The following MMS19 variants were observed in gnomAD, a reference collection of about 807,000 sequenced individuals.
The protein encoded by MMS19 is MMS19 nucleotide excision repair protein homolog.
MMS19 carries 77 observed loss-of-function variants against 129.8 expected under a neutral mutation model. The observed-to-expected ratio is 0.59, with a 90% CI of 0.49 to 0.72. The LOEUF (loss-of-function observed/expected upper bound fraction) is 0.72, where lower values mean the gene tolerates loss of function less well. Ranked by LOEUF, MMS19 falls within the 30% of genes least tolerant of loss-of-function variation. The probability of loss-of-function intolerance (pLI) is 0.00; values close to 1 mark genes in which losing one functional copy is unlikely to be tolerated. For synonymous variants in MMS19, 491 were observed against 502.8 expected (o/e 0.98, Z 0.31); for missense variants, 1,168 against 1,266.3 (o/e 0.92, Z 1.18).
rs1427709708 is a variant in MMS19, at chr10:97,477,357, G to A, written c.483C>T (p.Thr161=). ...VYNIITNFMR[T]REEELKSLGA... ...AGCTCTGTCTCTTACCTTCTTCCCGGGTTCGCATAAAATTGGTGATGATAT... is the reference window on the plus strand; with the variant it reads ...AGCTCTGTCTCTTACCTTCTTCCCGAGTTCGCATAAAATTGGTGATGATAT... The change falls in exon 6 of 31, where the codon ACC becomes ACT. Residue 161 remains threonine (T), a synonymous_variant. Transcript: ENST00000438925. 1.2e-6 allele frequency: 2 copies of A among 1,613,946 alleles called. No individual in the cohort carries two copies. The highest frequency in any genetic ancestry group is 1.7e-6 in the Non-Finnish European group (2 of 1,179,888).
At chr10:97,487,485 AT>A (rs1205122655) in intron 1 of MMS19, among the ~76,000 whole-genome samples, 1 of 151,730 alleles carries the variant, frequency 6.6e-6, no homozygotes, top group East Asian at 1.9e-4. Flanking sequence ...CACCCGGCTA[AT>A]TTTTTTGTAT....
At chr10:97,469,216 G>T in intron 11 of MMS19, 112 bp from the exon 12 acceptor site, 1 of 1,345,242 alleles carries the variant, frequency 7.4e-7, no homozygotes, top group Non-Finnish European at 9.9e-7. Flanking sequence ...CTAGGACACA[G>T]AAATGGAAAT....
At chr10:97,460,308 G>A in intron 25 of MMS19, 76 bp from the exon 26 acceptor site, 1 of 1,395,728 alleles carries the variant, frequency 7.2e-7, no homozygotes, top group Non-Finnish European at 9.8e-7. Flanking sequence ...GGGGCCGGGT[G>A]TGGTGGCTCA....
chr10:97,496,289 G>C (rs1395349906), intron 1 of MMS19, among the ~76,000 whole-genome samples: 1 of 152,146 alleles, frequency 6.6e-6, no homozygotes, highest in Non-Finnish European at 1.5e-5. Flanking sequence ...GCTGAGATGG[G>C]AGGATGGCTT....
intron 8 of MMS19, among the ~76,000 whole-genome samples, chr10:97,476,194 T>G (rs1274247142): frequency 6.6e-6 from 1 of 152,234 alleles, no homozygotes; most frequent in Non-Finnish European, 1.5e-5. Flanking sequence ...TGCACAATTG[T>G]GCCTTCTTTG....
intron 15 of MMS19, 49 bp from the exon 16 acceptor site, chr10:97,466,634 TC>T (rs2033558221): frequency 6.3e-7 from 1 of 1,578,162 alleles, no homozygotes; most frequent in Non-Finnish European, 8.7e-7. Context: ...CCTGCAGCCA[TC>T]ACAACCCTTC....
Position 97,459,474 on chromosome 10 carries a change from A to C in MMS19, c.2792T>G (p.Leu931Arg). 1 of 1,613,084 alleles carries C rather than the reference A, an allele frequency of 6.2e-7. No individual in the cohort carries two copies. The highest frequency in any genetic ancestry group is 8.5e-7 in the Non-Finnish European group (1 of 1,179,564). Residue 931 changes from leucine (L) to arginine (R), a missense_variant, in exon 28 of 31, where the codon CTC becomes CGC. Leu to Arg is a moderately radical substitution (Grantham distance 102). Coordinates refer to ENST00000438925, the MANE Select transcript of MMS19 (RefSeq NM_022362.5). ...ALSCPDCVVQ[L>R]STLSCLQPLL... ...AGGCTGAAGGCAGCTGAGGGTGGAGAGCTGCACCACACAGTCAGGGCAGGA... is the reference window on the plus strand; with the variant it reads ...AGGCTGAAGGCAGCTGAGGGTGGAGCGCTGCACCACACAGTCAGGGCAGGA...
intron 12 of MMS19, 97 bp downstream of exon 12, chr10:97,468,869 A>G (rs1589630111): frequency 3.0e-6 from 4 of 1,342,578 alleles, no homozygotes; most frequent in East Asian, 5.1e-5. Flanking sequence ...TCGGCCTCCT[A>G]AAGTGCAGGG....
Position 97,461,554 on chromosome 10 carries a change from G to A in MMS19, c.2253C>T (p.Pro751=). The change falls in exon 23 of 31, where the codon CCC becomes CCT. Residue 751 remains proline (P), a synonymous_variant. Transcript: ENST00000438925. Reference sequence around the variant, plus strand: ...ACTTGGCAGCAGCGGTGGAAGAAAAGGGGCAGCTGTGGCAGCAGCTCAGTT... The same window carrying A: ...ACTTGGCAGCAGCGGTGGAAGAAAAAGGGCAGCTGTGGCAGCAGCTCAGTT... ...LLELSCCHSC[P]FSSTAAAKCF... is the part of the protein sequence containing the mutation. 1 of 1,604,218 alleles carries A rather than the reference G, an allele frequency of 6.2e-7. No individual in the cohort carries two copies. Among genetic ancestry groups the A allele is most frequent in the Non-Finnish European group, 8.5e-7 (1 of 1,175,402 alleles).
At chr10:97,478,814 A>C (rs1368539622) in intron 3 of MMS19, among the ~76,000 whole-genome samples, 1 of 152,252 alleles carries the variant, frequency 6.6e-6, no homozygotes, top group East Asian at 1.9e-4. Flanking sequence ...AGTTTATAAA[A>C]ACAGGTGTAT....
In MMS19 at chr10:97,459,466, G is replaced by C; in HGVS notation, c.2800C>G (p.Leu934Val). 1 of 1,612,738 alleles carries C rather than the reference G, an allele frequency of 6.2e-7. No homozygotes were observed. Among genetic ancestry groups the C allele is most frequent in the Non-Finnish European group, 8.5e-7 (1 of 1,179,412 alleles). ...AGTAGAAGAGGCTGAAGGCAGCTGAGGGTGGAGAGCTGCACCACACAGTCA... is the reference window on the plus strand; with the variant it reads ...AGTAGAAGAGGCTGAAGGCAGCTGACGGTGGAGAGCTGCACCACACAGTCA... ...CPDCVVQLSTLSCLQPLLLEA... is the reference protein window; with the variant it reads ...CPDCVVQLSTVSCLQPLLLEA... Residue 934 changes from leucine (L) to valine (V), a missense_variant, in exon 28 of 31, where the codon CTC (leucine) becomes GTC (valine). Physicochemically the swap from Leu to Val is conservative, Grantham distance 32. Around this residue, in one of 3 missense-constraint regions of MMS19, gnomAD observed 831 missense variants for 910.8 expected, o/e 0.91. Coordinates refer to ENST00000438925, the MANE Select transcript of MMS19 (RefSeq NM_022362.5).
chr10:97,463,271 A>T (rs29001320), intron 19 of MMS19, among the ~76,000 whole-genome samples: 18 of 151,140 alleles, frequency 1.2e-4, no homozygotes, highest in Admixed American at 1.1e-3. Flanking sequence ...TCCTGGGCTC[A>T]GGTGATCCTC....
intron 8 of MMS19, among the ~76,000 whole-genome samples, chr10:97,474,386 A>C (rs1369794317): frequency 2.6e-5 from 4 of 151,858 alleles, no homozygotes. Context: ...CTACTAAAAA[A>C]TATAAAAAAA....
intron 19 of MMS19, among the ~76,000 whole-genome samples, chr10:97,463,163 GTTT>G (rs11369236): frequency 7.7e-6 from 1 of 129,230 alleles, no homozygotes; most frequent in African/African-American, 2.9e-5. Context: ...CTGTGAAACA[GTTT>G]TTTTTTTTTT....
At chr10:97,492,783 C>G (rs774689217) in intron 1 of MMS19, among the ~76,000 whole-genome samples, 2 of 149,806 alleles carry the variant, frequency 1.3e-5, no homozygotes, top group Non-Finnish European at 3.0e-5. Flanking sequence ...CATTTGAACC[C>G]AGGAGGCTAA....
rs759420002 is a variant in MMS19 at position 97,465,966 on chromosome 10, C to A, written c.1607-12G>T. ...CAAATTTGACTCCCCTGAAAGCAAC[C>A]CATGAGACAAAGGTTTACTGTGTGA... is the stretch of plus-strand genomic sequence containing the variant. On this transcript the variant is annotated splice_polypyrimidine_tract_variant and intron_variant, in intron 17 of 30. Transcript: ENST00000438925. 1.2e-6 allele frequency: 2 copies of A among 1,613,556 alleles called. No individual in the cohort carries two copies. The highest frequency in any genetic ancestry group is 1.7e-6 in the Non-Finnish European group (2 of 1,179,642).
At position 97,458,911 on chromosome 10, in the gene MMS19, A is replaced by G. The variant is rs1242473516; in HGVS notation, c.2965-11T>C. ...TTTGTACGGCAGCAGCTGTGGAGTC[A>G]GAGGATATAATCAACCTTGCTCATC... On this transcript the variant is annotated splice_polypyrimidine_tract_variant and intron_variant, in intron 29 of 30. Coordinates refer to ENST00000438925, the MANE Select transcript of MMS19 (RefSeq NM_022362.5). 6.2e-7 allele frequency: 1 copy of G among 1,613,552 alleles called. No individual in the cohort carries two copies. Among genetic ancestry groups the G allele is most frequent in the Non-Finnish European group, 8.5e-7 (1 of 1,179,612 alleles).
intron 13 of MMS19, 100 bp from the exon 14 acceptor site, chr10:97,467,683 T>C: frequency 8.7e-7 from 1 of 1,151,998 alleles, no homozygotes; most frequent in Non-Finnish European, 1.3e-6. Context: ...TTCCAAGAGA[T>C]GGGGGTTTTG....
At chr10:97,495,724 C>T (rs1479175302) in intron 1 of MMS19, among the ~76,000 whole-genome samples, 1 of 152,248 alleles carries the variant, frequency 6.6e-6, no homozygotes, top group African/African-American at 2.4e-5. Context: ...TATACACAAT[C>T]CAACCCTACC....
Sources: gnomAD v4.1 joint callset for allele counts (sites outside exome capture counted in the v4.1 genomes callset) on GRCh38, gnomAD v4.1.1 for gene constraint, gnomAD v4.1.1 regional missense constraint, MANE v1.5 for transcripts, NCBI Gene and HGNC (gene_info 2026-07-23, HGNC 2026-07-21) for gene names.